RELL1: variants seen among roughly 807,000 people sequenced by gnomAD.
The protein encoded by RELL1 is RELT-like protein 1.
In RELL1, 10 loss-of-function variants were observed where a neutral mutation model predicts 23.0. The ratio of observed to expected loss-of-function variants is 0.43; its 90% confidence interval spans 0.27 to 0.74. The LOEUF is 0.74. Ranked by LOEUF, RELL1 falls within the 30% of genes least tolerant of loss-of-function variation. RELL1 has a pLI of 0.19. For missense variants in RELL1, 315 were observed against 364.4 expected (o/e 0.86, Z 1.10); for synonymous variants, 146 against 146.8 (o/e 0.99, Z 0.04).
chr4:37,654,531 T>C (rs1227001819), intron 1 of RELL1, among the ~76,000 whole-genome samples: 1 of 152,264 alleles, frequency 6.6e-6, no homozygotes. Context: ...GGTTTAGCTT[T>C]CCTTCAATTT....
intron 1 of RELL1, 73 bp from the exon 2 acceptor site, chr4:37,649,573 T>C (rs889336156): frequency 3.0e-5 from 41 of 1,358,774 alleles, no homozygotes; most frequent in Non-Finnish European, 3.8e-5. Context: ...TCTCAGGTAA[T>C]GTTCACAGTA....
At chr4:37,677,122 G>C (rs1472770910) in intron 1 of RELL1, among the ~76,000 whole-genome samples, 1 of 152,214 alleles carries the variant, frequency 6.6e-6, no homozygotes, top group Non-Finnish European at 1.5e-5. Context: ...ACTCCCATGA[G>C]TCAGTTAGCC....
downstream of RELL1, among the ~76,000 whole-genome samples, chr4:37,608,547 A>G (rs1437384702): frequency 6.6e-6 from 1 of 152,158 alleles, no homozygotes; most frequent in Non-Finnish European, 1.5e-5. Context: ...CAGTTCTATA[A>G]TGACTGAAAG....
At chr4:37,655,993 A>G (rs897163407) in intron 1 of RELL1, among the ~76,000 whole-genome samples, 1 of 152,186 alleles carries the variant, frequency 6.6e-6, no homozygotes, top group Admixed American at 6.5e-5. Context: ...TAGAAATCCC[A>G]CTTCTGGGTA....
At chr4:37,686,118 T>C in intron 1 of RELL1, 82 bp downstream of exon 1, 1 of 1,178,494 alleles carries the variant, frequency 8.5e-7, no homozygotes, top group South Asian at 1.3e-5. Flanking sequence ...GCCGCGGGGC[T>C]GCCGTCCCGA....
chr4:37,631,584 T>C lies in RELL1; in HGVS notation c.681-61A>G. 5 of 1,571,172 alleles carry C rather than the reference T, an allele frequency of 3.2e-6. No individual in the cohort carries two copies. In the South Asian group the frequency reaches 5.9e-5, roughly 18 times the overall value. On this transcript the variant is annotated intron_variant, in intron 5 of 6. Transcript: ENST00000454158. Reference sequence around the variant, plus strand: ...TTTTCTAATAAACAAGAATTATGAATAAAGCAAAAATCATCCACCCAGAGG... The same window carrying C: ...TTTTCTAATAAACAAGAATTATGAACAAAGCAAAAATCATCCACCCAGAGG...
chr4:37,658,082 T>C (rs1005669823), intron 1 of RELL1, among the ~76,000 whole-genome samples: 36 of 152,070 alleles, frequency 2.4e-4, no homozygotes, highest in African/African-American at 8.2e-4. Context: ...AGCAATGACA[T>C]CTGTTGGTAA....
intron 1 of RELL1, among the ~76,000 whole-genome samples, chr4:37,653,006 A>C (rs1380513279): frequency 1.3e-5 from 2 of 152,206 alleles, no homozygotes; most frequent in Non-Finnish European, 2.9e-5. Flanking sequence ...AATGAGTGTG[A>C]CTAATCTGTG....
intron 1 of RELL1, among the ~76,000 whole-genome samples, chr4:37,669,123 C>T (rs1721673513): frequency 7.3e-6 from 1 of 137,870 alleles, no homozygotes; most frequent in Non-Finnish European, 1.6e-5. Flanking sequence ...GCCCGGCCGC[C>T]CCTACTGGGA....
Position 37,679,839 on chromosome 4 carries a change from C to T in RELL1, c.88+6361G>A, listed in dbSNP as rs185812336. On this transcript the variant is annotated intron_variant, in intron 1 of 6. Coordinates refer to ENST00000454158, the MANE Select transcript of RELL1 (RefSeq NM_001085400.2). ...GCGTGGTGCATGCCTGTAATCCCAG[C>T]TACTCGGGAGGCTGAGGCAGGAGAA... Among the ~76,000 whole-genome samples, 201 of 152,162 alleles carry T rather than the reference C, an allele frequency of 1.3e-3. 1 individual carries two copies. The Middle Eastern group carries it at 0.02, about 15-fold the overall frequency.
intron 6 of RELL1, 129 bp downstream of exon 6, chr4:37,631,256 G>A (rs1720118558): frequency 3.8e-6 from 4 of 1,049,800 alleles, no homozygotes; most frequent in Middle Eastern, 3.2e-4. Flanking sequence ...GTCTTCCTGG[G>A]TCAAGGAAAG....
chr4:37,596,240 C>G (rs1178460752), intron 6 of RELL1, among the ~76,000 whole-genome samples: 1 of 152,166 alleles, frequency 6.6e-6, no homozygotes, highest in East Asian at 1.9e-4. Flanking sequence ...GGGATCATTC[C>G]TATTTCTAAG....
intron 6 of RELL1, among the ~76,000 whole-genome samples, chr4:37,626,156 T>C (rs1719937150): frequency 6.6e-6 from 1 of 152,160 alleles, no homozygotes; most frequent in African/African-American, 2.4e-5. Context: ...ACAGTCATCA[T>C]GGAAAACAGT....
chr4:37,630,654 C>T (rs1033864874), intron 6 of RELL1, among the ~76,000 whole-genome samples: 5 of 151,836 alleles, frequency 3.3e-5, no homozygotes, highest in Admixed American at 1.3e-4. Context: ...GGATTACAGG[C>T]GTGAGCCACC....
intron 1 of RELL1, among the ~76,000 whole-genome samples, chr4:37,681,841 G>A (rs1722239568): frequency 6.6e-6 from 1 of 151,878 alleles, no homozygotes; most frequent in African/African-American, 2.4e-5. Flanking sequence ...TCTGATTTTT[G>A]ACTTCAAGTC....
At chr4:37,663,411 T>G (rs1210398596) in intron 1 of RELL1, among the ~76,000 whole-genome samples, 3 of 152,230 alleles carry the variant, frequency 2.0e-5, no homozygotes, top group Non-Finnish European at 4.4e-5. Context: ...AGAAGTCATT[T>G]GTTTGAAGTG....
At chr4:37,638,871 A>G (rs1720425724) in intron 3 of RELL1, among the ~76,000 whole-genome samples, 1 of 152,242 alleles carries the variant, frequency 6.6e-6, no homozygotes. Flanking sequence ...CTTGCAGTTA[A>G]CTAATTTTGA....
In RELL1 at chr4:37,612,334, A is replaced by C. The variant is rs199984720; in HGVS notation, c.*1012T>G. The stretch of plus-strand genomic sequence containing the variant: ...CTCAGCTAAAGGTTAAAAAAAAAAA[A>C]AAAACAAAAAAAAACAAAAAACCGG... On this transcript the variant is annotated 3_prime_UTR_variant, in exon 7 of 7. Coordinates refer to ENST00000454158, the MANE Select transcript of RELL1 (RefSeq NM_001085400.2). 0.17 allele frequency among the ~76,000 whole-genome samples: 5,120 copies of C among 30,120 alleles called. 226 individuals are homozygous for C. The highest frequency in any genetic ancestry group is 0.48 in the East Asian group (1,256 of 2,642). 19.8% of individuals were successfully genotyped at this position (30,120 alleles called of 152,430 possible).
At chr4:37,629,250 CT>C (rs1217016121) in intron 6 of RELL1, among the ~76,000 whole-genome samples, 1 of 152,232 alleles carries the variant, frequency 6.6e-6, no homozygotes, top group Non-Finnish European at 1.5e-5. Context: ...TCACCTAAGA[CT>C]TGAATAGCCA....
Sources: gnomAD v4.1 joint callset for allele counts (sites outside exome capture counted in the v4.1 genomes callset) on GRCh38, gnomAD v4.1.1 for gene constraint, MANE v1.5 for transcripts, NCBI Gene and HGNC (gene_info 2026-07-23, HGNC 2026-07-21) for gene names.